Variants in ERBB4 observed in about 807,000 individuals in gnomAD.
ERBB4 encodes the protein receptor tyrosine-protein kinase erbB-4.
Under a neutral mutation model 158.0 loss-of-function variants are expected in ERBB4, and 42 were observed. The observed-to-expected ratio is 0.27, with a 90% CI of 0.21 to 0.34. The LOEUF (loss-of-function observed/expected upper bound fraction) is 0.34, where lower values mean the gene tolerates loss of function less well. ERBB4 is among the 10% of genes least tolerant of loss of function. The pLI is 1.00. For missense variants in ERBB4, 1,333 were observed against 1,624.1 expected (o/e 0.82, Z 3.08); for synonymous variants, 583 against 558.7 (o/e 1.04, Z -0.61).
At chr2:211,585,179 C>T (rs111949960) in intron 19 of ERBB4, among the ~76,000 whole-genome samples, 13,173 of 151,914 alleles carry the variant, frequency 0.087, 1,499 homozygotes, top group African/African-American at 0.26. Flanking sequence ...GGTGAAACCC[C>T]GTCTCTACTA....
intron 1 of ERBB4, among the ~76,000 whole-genome samples, chr2:212,361,786 T>G (rs1303866625): frequency 6.6e-6 from 1 of 151,698 alleles, no homozygotes; most frequent in East Asian, 1.9e-4. Flanking sequence ...AAATAATAAC[T>G]TCTATTCGAC....
chr2:211,544,569 T>C (rs550613255), intron 20 of ERBB4, among the ~76,000 whole-genome samples: 31 of 152,096 alleles, frequency 2.0e-4, no homozygotes, highest in Admixed American at 3.9e-4. Context: ...TCCCAGTTTT[T>C]TCAGGTAAAA....
At chr2:212,384,890 AATATATATATATATATAT>A (rs67216333) in intron 1 of ERBB4, among the ~76,000 whole-genome samples, 1 of 123,188 alleles carries the variant, frequency 8.1e-6, no homozygotes, top group Non-Finnish European at 1.7e-5. Context: ...ATGTTTGTGG[AATATATATATATATATAT>A]ATATATATAT....
Position 212,015,095 on chromosome 2 carries a change from T to A in ERBB4, c.235-67479A>T, listed in dbSNP as rs2076493729. Among the ~76,000 whole-genome samples the A allele has an allele frequency of 2.4e-4, 16 of 67,616 alleles. 2 individuals carry two copies. Among genetic ancestry groups the A allele is most frequent in the East Asian group, 7.0e-4 (2 of 2,858 alleles). The allele number at this position is 67,616 out of a possible 152,430, so 44.4% of individuals were successfully genotyped here. A position where few individuals can be genotyped will look rare whatever the true frequency, so the allele number is the denominator to read the frequency against. ...ATATATATATATATATATATATATA[T>A]ATATATATATATATATAAAAATTAG... is the stretch of plus-strand genomic sequence containing the variant. On this transcript the variant is annotated intron_variant, in intron 2 of 27. Transcript: ENST00000342788.
chr2:211,871,838 T>C (rs2078353103), intron 3 of ERBB4, among the ~76,000 whole-genome samples: 1 of 152,090 alleles, frequency 6.6e-6, no homozygotes, highest in Admixed American at 6.6e-5. Context: ...CTAAATCTAG[T>C]AAATATGGAT....
intron 3 of ERBB4, among the ~76,000 whole-genome samples, chr2:211,943,599 A>G (rs10210841): frequency 0.58 from 88,005 of 151,868 alleles, 26,469 homozygotes; most frequent in Non-Finnish European, 0.66. Flanking sequence ...GAGCATGCCA[A>G]TGTAAGTTCC....
chr2:211,815,893 C>T (rs1235975172), intron 3 of ERBB4, among the ~76,000 whole-genome samples: 7 of 152,138 alleles, frequency 4.6e-5, no homozygotes, highest in Admixed American at 6.5e-5. Flanking sequence ...CCTTCCTCTC[C>T]GGCCCTTGGA....
At chr2:212,036,957 A>T (rs556164331) in intron 2 of ERBB4, among the ~76,000 whole-genome samples, 2 of 152,304 alleles carry the variant, frequency 1.3e-5, no homozygotes, top group Admixed American at 1.3e-4. Flanking sequence ...ATGCAGCTAG[A>T]TTTTATCAAC....
At chr2:211,981,423 A>G (rs2081793226) in intron 2 of ERBB4, among the ~76,000 whole-genome samples, 1 of 152,186 alleles carries the variant, frequency 6.6e-6, no homozygotes, top group South Asian at 2.1e-4. Flanking sequence ...ATCCAAACCT[A>G]CTTAAAACTC....
chr2:211,685,530 T>C (rs2072529808), intron 12 of ERBB4, among the ~76,000 whole-genome samples: 1 of 152,216 alleles, frequency 6.6e-6, no homozygotes, highest in African/African-American at 2.4e-5. Flanking sequence ...AGCTATGTAA[T>C]AATTCTTGAA....
intron 20 of ERBB4, among the ~76,000 whole-genome samples, chr2:211,514,138 A>G (rs989911186): frequency 3.0e-4 from 46 of 151,720 alleles, no homozygotes; most frequent in Middle Eastern, 6.8e-3. Flanking sequence ...CTTACCCTCT[A>G]CTCTTCCCTT....
intron 3 of ERBB4, among the ~76,000 whole-genome samples, chr2:211,934,765 A>G (rs1000069383): frequency 2.0e-5 from 3 of 151,888 alleles, no homozygotes; most frequent in African/African-American, 7.2e-5. Flanking sequence ...ATTATACTTT[A>G]TTATTTTAGT....
intron 1 of ERBB4, among the ~76,000 whole-genome samples, chr2:212,285,852 C>A (rs995621011): frequency 6.6e-6 from 1 of 152,028 alleles, no homozygotes; most frequent in African/African-American, 2.4e-5. Flanking sequence ...TATTCAGGCT[C>A]AAAAATACCC....
chr2:211,584,136 T>A (rs1447269111), intron 19 of ERBB4, among the ~76,000 whole-genome samples: 1 of 151,360 alleles, frequency 6.6e-6, no homozygotes, highest in East Asian at 1.9e-4. Context: ...ACTGACATGT[T>A]TTCAACATAC....
chr2:212,003,202 A>AAAGAAAGG (rs2076169249), intron 2 of ERBB4, among the ~76,000 whole-genome samples: 2 of 55,502 alleles, frequency 3.6e-5, no homozygotes, highest in Admixed American at 2.1e-4. Context: ...AGAAAGAAAG[A>AAAGAAAGG]AAGACAGAAA....
At chr2:211,825,415 A>T (rs993757821) in intron 3 of ERBB4, among the ~76,000 whole-genome samples, 3 of 151,872 alleles carry the variant, frequency 2.0e-5, no homozygotes, top group African/African-American at 7.2e-5. Flanking sequence ...AGCAAAATGA[A>T]TTCAAGCTTT....
chr2:211,620,538 T>A (rs1013928432), intron 18 of ERBB4, among the ~76,000 whole-genome samples: 2 of 152,194 alleles, frequency 1.3e-5, no homozygotes, highest in Non-Finnish European at 2.9e-5. Flanking sequence ...TTTTAACTTT[T>A]AGAAAGTGAA....
At chr2:211,958,751 A>G (rs1305999972) in intron 2 of ERBB4, among the ~76,000 whole-genome samples, 6 of 152,168 alleles carry the variant, frequency 3.9e-5, no homozygotes, top group Non-Finnish European at 8.8e-5. Context: ...ATTTTGATTT[A>G]AGAATAACAT....
At chr2:211,580,887 A>T (rs1345219532) in intron 19 of ERBB4, among the ~76,000 whole-genome samples, 477 of 3,418 alleles carry the variant, frequency 0.14, 37 homozygotes, top group East Asian at 0.36. Context: ...ATATATATAT[A>T]TATATATATA....
Sources: gnomAD v4.1 joint callset for allele counts (sites outside exome capture counted in the v4.1 genomes callset) on GRCh38, gnomAD v4.1.1 for gene constraint, MANE v1.5 for transcripts, NCBI Gene and HGNC (gene_info 2026-07-23, HGNC 2026-07-21) for gene names.